Variants in LRRC4C observed in about 807,000 individuals in gnomAD.
The protein encoded by LRRC4C is leucine rich repeat containing 4C.
A neutral mutation model predicts 33.6 loss-of-function variants in LRRC4C; 5 were observed. The ratio of observed to expected loss-of-function variants is 0.15; its 90% CI spans 0.08 to 0.31. The LOEUF (loss-of-function observed/expected upper bound fraction) is 0.31. LRRC4C is among the 10% of genes least tolerant of loss of function. The probability of loss-of-function intolerance (pLI) is 1.00; values close to 1 mark genes in which losing one functional copy is unlikely to be tolerated. For missense variants in LRRC4C, 560 were observed against 796.7 expected (o/e 0.70, Z 3.58); for synonymous variants, 329 against 302.0 (o/e 1.09, Z -0.93).
intron 5 of LRRC4C, among the ~76,000 whole-genome samples, chr11:40,181,186 C>T (rs909652576): frequency 2.0e-5 from 3 of 152,192 alleles, no homozygotes; most frequent in African/African-American, 7.2e-5. Flanking sequence ...CCCTTCCTCC[C>T]TCCCATCCTC....
chr11:40,540,311 A>G (rs1956653644), intron 3 of LRRC4C, among the ~76,000 whole-genome samples: 1 of 152,190 alleles, frequency 6.6e-6, no homozygotes, highest in Admixed American at 6.6e-5. Flanking sequence ...AAACCCTTTC[A>G]GAAAATTGAT....
In LRRC4C at chr11:41,070,953, G is replaced by A. The variant is rs570908229; in HGVS notation, c.-495-137230C>T. The stretch of plus-strand genomic sequence containing the variant: ...TTATATTATAAAGATACATGCACAC[G>A]TATGCTTATTACAGCACTATTTACA... On this transcript the variant is annotated intron_variant, in intron 1 of 6. Coordinates refer to ENST00000528697, the MANE Select transcript of LRRC4C (RefSeq NM_001258419.2). Among the ~76,000 whole-genome samples the A allele has an allele frequency of 5.9e-5, 9 of 152,130 alleles. No homozygotes were observed. The South Asian group carries it at 6.2e-4, about 11-fold the overall frequency.
chr11:41,367,168 C>A (rs1952574419), intron 1 of LRRC4C, among the ~76,000 whole-genome samples: 1 of 152,074 alleles, frequency 6.6e-6, no homozygotes, highest in Non-Finnish European at 1.5e-5. Flanking sequence ...AAAGACATCT[C>A]TATATAGCTC....
chr11:40,396,280 G>T (rs2137500247), intron 3 of LRRC4C, among the ~76,000 whole-genome samples: 1 of 151,864 alleles, frequency 6.6e-6, no homozygotes, highest in East Asian at 1.9e-4. Context: ...TAGACACCTT[G>T]GTTTTAAAAT....
chr11:40,405,575 C>T (rs1949931848), intron 3 of LRRC4C, among the ~76,000 whole-genome samples: 1 of 135,676 alleles, frequency 7.4e-6, no homozygotes, highest in Non-Finnish European at 1.5e-5. Context: ...AGGCAGAGCA[C>T]TGCAGCCTGG....
intron 1 of LRRC4C, among the ~76,000 whole-genome samples, chr11:41,145,686 T>C (rs1036397937): frequency 6.6e-6 from 1 of 152,122 alleles, no homozygotes; most frequent in African/African-American, 2.4e-5. Context: ...GACTGTCCAT[T>C]TGAATATAAA....
intron 3 of LRRC4C, among the ~76,000 whole-genome samples, chr11:40,475,439 T>G (rs1953164130): frequency 2.0e-5 from 3 of 151,910 alleles, no homozygotes; most frequent in South Asian, 2.1e-4. Flanking sequence ...CATCACACAC[T>G]GGGGCCTGTC....
chr11:40,725,170 G>C (rs894454179), intron 2 of LRRC4C, among the ~76,000 whole-genome samples: 1 of 152,118 alleles, frequency 6.6e-6, no homozygotes, highest in Non-Finnish European at 1.5e-5. Flanking sequence ...ATAAGAACCT[G>C]ATCATCTTCC....
intron 1 of LRRC4C, among the ~76,000 whole-genome samples, chr11:41,330,684 A>T (rs1003343517): frequency 4.6e-5 from 7 of 151,834 alleles, no homozygotes; most frequent in African/African-American, 1.7e-4. Context: ...CCATCCTCCC[A>T]CCTCAGCCTC....
At chr11:40,269,412 C>G (rs1047276291) in intron 4 of LRRC4C, among the ~76,000 whole-genome samples, 1 of 152,042 alleles carries the variant, frequency 6.6e-6, no homozygotes, top group East Asian at 1.9e-4. Context: ...TTAGAGTAAC[C>G]ATTATTTCTA....
chr11:40,748,745 C>A (rs1235411630), intron 2 of LRRC4C, among the ~76,000 whole-genome samples: 1 of 151,894 alleles, frequency 6.6e-6, no homozygotes, highest in African/African-American at 2.4e-5. Context: ...ACGCACTTTA[C>A]CTATAAAGAC....
At chr11:40,275,236 A>T (rs961564900) in intron 4 of LRRC4C, among the ~76,000 whole-genome samples, 11 of 152,120 alleles carry the variant, frequency 7.2e-5, no homozygotes, top group Admixed American at 5.9e-4. Flanking sequence ...AAGATTCACC[A>T]TTACACCTGC....
chr11:40,870,338 G>C (rs1452702598), intron 2 of LRRC4C, among the ~76,000 whole-genome samples: 1 of 152,110 alleles, frequency 6.6e-6, no homozygotes, highest in Non-Finnish European at 1.5e-5. Context: ...GGGATATGGT[G>C]TGGAGGATAG....
At chr11:41,155,306 A>G (rs1944178257) in intron 1 of LRRC4C, among the ~76,000 whole-genome samples, 1 of 152,136 alleles carries the variant, frequency 6.6e-6, no homozygotes, top group Non-Finnish European at 1.5e-5. Context: ...CTTGCTGGAA[A>G]CAAGGAGACT....
chr11:41,276,486 A>T (rs1182375228), intron 1 of LRRC4C, among the ~76,000 whole-genome samples: 1 of 152,156 alleles, frequency 6.6e-6, no homozygotes, highest in Non-Finnish European at 1.5e-5. Flanking sequence ...TTGATTCCCC[A>T]ATAATAAATG....
intron 3 of LRRC4C, among the ~76,000 whole-genome samples, chr11:40,623,154 T>C (rs923497174): frequency 2.6e-5 from 4 of 151,660 alleles, no homozygotes; most frequent in African/African-American, 9.7e-5. Context: ...CAAATCTCTG[T>C]TTTTTTCATT....
chr11:40,935,983 G>GTACTAAAAAC (rs1197840569), intron 1 of LRRC4C, among the ~76,000 whole-genome samples: 1 of 124,180 alleles, frequency 8.1e-6, no homozygotes, highest in Admixed American at 8.9e-5. Context: ...TGTGATGAGA[G>GTACTAAAAAC]TACTAAAAAC....
chr11:40,347,892 G>A (rs1947207930), intron 3 of LRRC4C, among the ~76,000 whole-genome samples: 1 of 152,214 alleles, frequency 6.6e-6, no homozygotes, highest in Non-Finnish European at 1.5e-5. Flanking sequence ...ACAGGCGTGA[G>A]CCACTGCACC....
intron 3 of LRRC4C, among the ~76,000 whole-genome samples, chr11:40,469,102 T>C (rs1952795848): frequency 6.6e-6 from 1 of 152,154 alleles, no homozygotes; most frequent in Admixed American, 6.5e-5. Context: ...GATGGCTGAA[T>C]AGGAACAGCT....
Sources: gnomAD v4.1 joint callset for allele counts (sites outside exome capture counted in the v4.1 genomes callset) on GRCh38, gnomAD v4.1.1 for gene constraint, MANE v1.5 for transcripts, NCBI Gene and HGNC (gene_info 2026-07-23, HGNC 2026-07-21) for gene names.